Variants in EPB41L2 observed in about 807,000 individuals in gnomAD.
EPB41L2 encodes the protein erythrocyte membrane protein band 4.1 like 2.
EPB41L2 carries 43 observed loss-of-function variants against 113.0 expected under a neutral mutation model. That is an observed-to-expected ratio of 0.38 (90% CI 0.30 to 0.49). The LOEUF (loss-of-function observed/expected upper bound fraction) is 0.49. Ranked by LOEUF, EPB41L2 falls within the 20% of genes least tolerant of loss-of-function variation. EPB41L2 has a pLI of 0.95. For missense variants in EPB41L2, 1,147 were observed against 1,223.4 expected, an observed-to-expected ratio of 0.94 and a Z score of 0.93; for synonymous variants, 442 against 436.7, an observed-to-expected ratio of 1.01 and a Z score of -0.15.
chr6:131,008,565 C>T (rs754496171), intron 1 of EPB41L2, among the ~76,000 whole-genome samples: 28 of 152,216 alleles, frequency 1.8e-4, no homozygotes, highest in Non-Finnish European at 3.7e-4. Context: ...GACCCCAGAA[C>T]GGTAGATTCA....
intron 14 of EPB41L2, among the ~76,000 whole-genome samples, chr6:130,876,942 GAAA>G (rs1787765598): frequency 6.6e-6 from 1 of 152,124 alleles, no homozygotes; most frequent in Non-Finnish European, 1.5e-5. Flanking sequence ...CCTTTCTCCA[GAAA>G]ACACAACATT....
At chr6:130,950,914 T>C (rs1196839716) in intron 3 of EPB41L2, among the ~76,000 whole-genome samples, 2 of 152,078 alleles carry the variant, frequency 1.3e-5, no homozygotes, top group Non-Finnish European at 1.5e-5. Flanking sequence ...AAAATACATT[T>C]GATAAAATTC....
At chr6:130,899,829 C>T (rs1055841239) in intron 7 of EPB41L2, among the ~76,000 whole-genome samples, 1 of 152,106 alleles carries the variant, frequency 6.6e-6, no homozygotes, top group Non-Finnish European at 1.5e-5. Flanking sequence ...TAAAAAGTTG[C>T]TTTTGATTAT....
At chr6:131,051,978 C>A (rs1364175809) in intron 1 of EPB41L2, among the ~76,000 whole-genome samples, 2 of 151,270 alleles carry the variant, frequency 1.3e-5, no homozygotes, top group African/African-American at 4.9e-5. Flanking sequence ...ACTCTGTCAC[C>A]CAGGCTGGAG....
intron 1 of EPB41L2, among the ~76,000 whole-genome samples, chr6:131,006,667 CAAAA>C (rs10709651): frequency 7.1e-6 from 1 of 140,912 alleles, no homozygotes; most frequent in African/African-American, 2.6e-5. Flanking sequence ...GACTCTATCT[CAAAA>C]AAAAAAAAAA....
At chr6:130,859,559 T>C (rs1582753165) in intron 18 of EPB41L2, among the ~76,000 whole-genome samples, 1 of 139,908 alleles carries the variant, frequency 7.1e-6, no homozygotes, top group Admixed American at 7.0e-5. Flanking sequence ...AAAGAGAAAA[T>C]TTTACTAGGA....
intron 1 of EPB41L2, among the ~76,000 whole-genome samples, chr6:131,011,862 G>T (rs1384174627): frequency 2.6e-5 from 4 of 152,110 alleles, no homozygotes; most frequent in Non-Finnish European, 5.9e-5. Context: ...GCTAAGTTAG[G>T]ACTGGGTGAG....
At chr6:130,935,555 G>A (rs903142084) in intron 3 of EPB41L2, among the ~76,000 whole-genome samples, 2 of 152,104 alleles carry the variant, frequency 1.3e-5, no homozygotes, top group Non-Finnish European at 2.9e-5. Context: ...AAAAAAATCT[G>A]AAATCCTGCT....
At chr6:130,973,851 G>A (rs1028137840) in intron 1 of EPB41L2, among the ~76,000 whole-genome samples, 1 of 152,150 alleles carries the variant, frequency 6.6e-6, no homozygotes, top group Non-Finnish European at 1.5e-5. Context: ...TGACCACCAT[G>A]GGCACATGTC....
At chr6:130,955,497 C>T (rs1191489778) in intron 2 of EPB41L2, among the ~76,000 whole-genome samples, 180 bp from the exon 3 acceptor site, 2 of 152,098 alleles carry the variant, frequency 1.3e-5, no homozygotes, top group Non-Finnish European at 2.9e-5. Context: ...CTTTTCATGG[C>T]CAAAATTCTC....
intron 19 of EPB41L2, among the ~76,000 whole-genome samples, chr6:130,849,180 C>A (rs78627613): frequency 0.013 from 1,933 of 152,274 alleles, 44 homozygotes; most frequent in African/African-American, 0.043. Context: ...TGATGCTGGC[C>A]ACACCTACTA....
chr6:130,929,153 C>G (rs1805820067), intron 3 of EPB41L2, among the ~76,000 whole-genome samples: 1 of 152,142 alleles, frequency 6.6e-6, no homozygotes, highest in Non-Finnish European at 1.5e-5. Flanking sequence ...AAAAATGCAA[C>G]AACACATGAA....
intron 1 of EPB41L2, among the ~76,000 whole-genome samples, chr6:131,040,354 G>A (rs544713686): frequency 3.9e-5 from 6 of 152,240 alleles, no homozygotes; most frequent in South Asian, 4.2e-4. Flanking sequence ...CATGAGAATC[G>A]CTTGAAACCA....
intron 1 of EPB41L2, among the ~76,000 whole-genome samples, chr6:130,986,574 A>G (rs1315804636): frequency 1.3e-5 from 2 of 151,582 alleles, no homozygotes; most frequent in African/African-American, 4.9e-5. Context: ...CTTAAGAGGT[A>G]TAGGATTTTT....
At position 130,839,842 on chromosome 6, in the gene EPB41L2, C is replaced by T. The variant is rs1397420606; in HGVS notation, c.*762G>A. Reference sequence around the variant, plus strand: ...CTTCCCTCCTGTTCTGGAATGCTGCCGAAGGGCATGTGTCTGACAAGCATT... The same window carrying T: ...CTTCCCTCCTGTTCTGGAATGCTGCTGAAGGGCATGTGTCTGACAAGCATT... On this transcript the variant is annotated 3_prime_UTR_variant, in exon 20 of 20. Transcript: ENST00000337057. The T allele has an allele frequency of 2.0e-5, 3 of 152,130 alleles. No individual in the cohort carries two copies. The highest frequency in any genetic ancestry group is 2.9e-5 in the Non-Finnish European group (2 of 68,026). 9.4% of individuals were successfully genotyped at this position (152,130 alleles called of 1,614,324 possible).
chr6:130,875,412 G>A (rs906244315), intron 14 of EPB41L2, among the ~76,000 whole-genome samples: 2 of 152,050 alleles, frequency 1.3e-5, no homozygotes, highest in East Asian at 3.9e-4. Flanking sequence ...CTTTAAGATC[G>A]TGACATGACC....
intron 1 of EPB41L2, among the ~76,000 whole-genome samples, chr6:131,034,489 G>A (rs759092354): frequency 2.0e-5 from 3 of 152,046 alleles, no homozygotes; most frequent in African/African-American, 4.8e-5. Flanking sequence ...CCAAGATGGC[G>A]CCACTCCACT....
intron 1 of EPB41L2, among the ~76,000 whole-genome samples, chr6:131,031,568 T>C (rs1237284289): frequency 1.3e-5 from 2 of 152,190 alleles, no homozygotes; most frequent in African/African-American, 2.4e-5. Flanking sequence ...AACTTCCTAA[T>C]TTCCTCATTC....
chr6:131,002,858 G>C (rs1050286864), intron 1 of EPB41L2, among the ~76,000 whole-genome samples: 2 of 152,180 alleles, frequency 1.3e-5, no homozygotes, highest in African/African-American at 2.4e-5. Context: ...GTTACAGTTA[G>C]ATGGATTTAA....
Sources: gnomAD v4.1 joint callset for allele counts (sites outside exome capture counted in the v4.1 genomes callset) on GRCh38, gnomAD v4.1.1 for gene constraint, MANE v1.5 for transcripts, NCBI Gene and HGNC (gene_info 2026-07-23, HGNC 2026-07-21) for gene names.